Variants in GNB4 observed in about 807,000 individuals in gnomAD.
The protein encoded by GNB4 is G protein subunit beta 4.
Under a neutral mutation model 45.2 loss-of-function variants are expected in GNB4, and 28 were observed. The observed-to-expected ratio is 0.62, with a 90% CI of 0.46 to 0.85. The LOEUF is 0.85. Ranked by LOEUF, GNB4 falls within the 40% of genes least tolerant of loss-of-function variation. The probability of loss-of-function intolerance (pLI) is 0.00; values close to 1 mark genes in which losing one functional copy is unlikely to be tolerated. For synonymous variants in GNB4, 132 were observed against 143.7 expected (o/e 0.92, Z 0.58); for missense variants, 321 against 425.4 (o/e 0.75, Z 2.16).
the GNB4 span, among the ~76,000 whole-genome samples, chr3:179,501,526 TGTTGCCCAGA>T: frequency 1.3e-5 from 2 of 151,488 alleles, no homozygotes; most frequent in Admixed American, 1.3e-4. Flanking sequence ...CATTTTGTCG[TGTTGCCCAGA>T]GTGGTCTTGA....
At chr3:179,417,851 A>G (rs1714848205) in intron 4 of GNB4, among the ~76,000 whole-genome samples, 1 of 152,214 alleles carries the variant, frequency 6.6e-6, no homozygotes, top group Admixed American at 6.5e-5. Flanking sequence ...AATCACTACA[A>G]GGTTTTACAA....
the GNB4 span, among the ~76,000 whole-genome samples, chr3:179,457,770 C>T: frequency 3.9e-5 from 6 of 152,202 alleles, no homozygotes; most frequent in South Asian, 2.1e-4. Flanking sequence ...AGATAGTCAA[C>T]GTGGGGTGGA....
intron 1 of GNB4, among the ~76,000 whole-genome samples, chr3:179,446,006 T>A (rs1230964868): frequency 6.6e-6 from 1 of 152,250 alleles, no homozygotes; most frequent in Non-Finnish European, 1.5e-5. Flanking sequence ...CATCTGAGTG[T>A]AGAAACATTT....
chr3:179,423,672 T>G (rs1281609897), intron 2 of GNB4, among the ~76,000 whole-genome samples: 1 of 152,104 alleles, frequency 6.6e-6, no homozygotes, highest in Non-Finnish European at 1.5e-5. Flanking sequence ...ACCCAGCTTC[T>G]CAGGACGCTG....
chr3:179,438,102 C>A (rs761412515), intron 1 of GNB4, among the ~76,000 whole-genome samples: 10 of 151,970 alleles, frequency 6.6e-5, no homozygotes, highest in Admixed American at 1.3e-4. Flanking sequence ...GGCAGGATTA[C>A]CCCGAACTTA....
At chr3:179,461,710 A>T in the GNB4 span, among the ~76,000 whole-genome samples, 2 of 151,674 alleles carry the variant, frequency 1.3e-5, no homozygotes, top group Admixed American at 6.6e-5. Context: ...CTAAAAACAA[A>T]TTTTTTTTTG....
chr3:179,511,139 C>T, the GNB4 span, among the ~76,000 whole-genome samples: 3 of 152,188 alleles, frequency 2.0e-5, no homozygotes, highest in Non-Finnish European at 2.9e-5. Flanking sequence ...TCACCATGTT[C>T]CACCTGCTCA....
chr3:179,514,735 G>C, the GNB4 span, among the ~76,000 whole-genome samples: 1 of 152,142 alleles, frequency 6.6e-6, no homozygotes, highest in Non-Finnish European at 1.5e-5. Context: ...GCCAAGGAGA[G>C]AGGCTTCACC....
the GNB4 span, among the ~76,000 whole-genome samples, chr3:179,525,644 C>T: frequency 6.6e-6 from 1 of 152,238 alleles, no homozygotes; most frequent in East Asian, 1.9e-4. Flanking sequence ...AGGGATTAAA[C>T]ACCAAGGGAA....
At chr3:179,484,996 TTTCG>T in the GNB4 span, among the ~76,000 whole-genome samples, 235 of 118,742 alleles carry the variant, frequency 2.0e-3, 6 homozygotes, top group African/African-American at 6.2e-3. Context: ...TGGCAACTTT[TTTCG>T]TTTTGTTTTT....
chr3:179,403,593 G>A (rs1336396553), intron 9 of GNB4, among the ~76,000 whole-genome samples: 1 of 152,236 alleles, frequency 6.6e-6, no homozygotes, highest in Admixed American at 6.5e-5. Context: ...AGGAGTTCGA[G>A]ACCAGCCTGA....
the GNB4 span, among the ~76,000 whole-genome samples, chr3:179,502,520 A>C: frequency 6.6e-6 from 1 of 152,096 alleles, no homozygotes; most frequent in Non-Finnish European, 1.5e-5. Flanking sequence ...GGCATGAGTC[A>C]CTGCGCCTGG....
At chr3:179,419,574 CAGTG>C (rs576214498) in intron 3 of GNB4, 69 bp from the exon 4 acceptor site, 3 of 942,172 alleles carry the variant, frequency 3.2e-6, no homozygotes, top group Non-Finnish European at 5.2e-6. Context: ...GAACTAGAAA[CAGTG>C]AGGAGTTAAA....
chr3:179,419,159 C>T (rs1220598521), intron 4 of GNB4, among the ~76,000 whole-genome samples: 1 of 152,188 alleles, frequency 6.6e-6, no homozygotes, highest in Non-Finnish European at 1.5e-5. Context: ...TGCAATGTTC[C>T]ACTGCAAAGA....
the GNB4 span, among the ~76,000 whole-genome samples, chr3:179,514,248 G>C: frequency 6.6e-6 from 1 of 152,204 alleles, no homozygotes; most frequent in Admixed American, 6.5e-5. Context: ...AGAGATATAG[G>C]TATGATGTGG....
the GNB4 span, among the ~76,000 whole-genome samples, chr3:179,472,968 C>A: frequency 2.6e-5 from 4 of 152,180 alleles, no homozygotes; most frequent in Non-Finnish European, 5.9e-5. Flanking sequence ...TCGAGACCAT[C>A]CTGGCTAACA....
chr3:179,404,666 T>C (rs1714411080), intron 9 of GNB4, among the ~76,000 whole-genome samples: 1 of 151,602 alleles, frequency 6.6e-6, no homozygotes, highest in African/African-American at 2.4e-5. Context: ...TGGATTCCTT[T>C]AAGTATAATT....
intron 2 of GNB4, among the ~76,000 whole-genome samples, chr3:179,423,550 G>A (rs979111264): frequency 1.6e-4 from 24 of 152,262 alleles, no homozygotes; most frequent in Non-Finnish European, 2.4e-4. Context: ...TTGGGAGGCC[G>A]AGGCAGGTGG....
At chr3:179,423,436 A>G (rs1461165194) in intron 2 of GNB4, among the ~76,000 whole-genome samples, 1 of 152,226 alleles carries the variant, frequency 6.6e-6, no homozygotes, top group East Asian at 1.9e-4. Context: ...AGAAACATAT[A>G]AAGTGGGGTA....
Sources: allele counts gnomAD v4.1 joint callset (sites outside exome capture counted in the v4.1 genomes callset), GRCh38; gene constraint gnomAD v4.1.1; transcripts MANE v1.5; gene names NCBI Gene and HGNC (gene_info 2026-07-23, HGNC 2026-07-21).